The following FRMD3 variants were observed in gnomAD, a reference collection of about 807,000 sequenced individuals.
FRMD3 encodes FERM domain containing 3.
A neutral mutation model predicts 70.2 loss-of-function variants in FRMD3; 33 were observed. The observed-to-expected ratio is 0.47, with a 90% confidence interval of 0.36 to 0.63. The LOEUF (loss-of-function observed/expected upper bound fraction) is 0.63, where lower values mean the gene tolerates loss of function less well. FRMD3 is among the 20% of genes least tolerant of loss of function. The pLI is 0.00. For missense variants in FRMD3, 632 were observed against 711.4 expected (o/e 0.89, Z 1.27); for synonymous variants, 279 against 255.9 (o/e 1.09, Z -0.86).
intron 1 of FRMD3, among the ~76,000 whole-genome samples, chr9:83,431,540 G>A (rs1197658817): frequency 6.6e-6 from 1 of 151,564 alleles, no homozygotes; most frequent in East Asian, 1.9e-4. Context: ...ATTTCACAAG[G>A]TATAATCTTA....
intron 1 of FRMD3, among the ~76,000 whole-genome samples, chr9:83,465,719 G>A (rs953443961): frequency 6.6e-6 from 1 of 152,150 alleles, no homozygotes; most frequent in Non-Finnish European, 1.5e-5. Context: ...CTGCCAGCCA[G>A]CTACGTCCGC....
chr9:83,280,883 A>G (rs1833954543), intron 13 of FRMD3, among the ~76,000 whole-genome samples: 1 of 152,048 alleles, frequency 6.6e-6, no homozygotes, highest in Admixed American at 6.5e-5. Flanking sequence ...AGGACCTCCA[A>G]TTCACCATCT....
intron 3 of FRMD3, among the ~76,000 whole-genome samples, chr9:83,370,231 AG>A (rs1388810188): frequency 6.6e-6 from 1 of 152,216 alleles, no homozygotes; most frequent in Non-Finnish European, 1.5e-5. Context: ...ACAAGTCCCC[AG>A]GGTTGGACTT....
At chr9:83,479,782 G>A (rs1197328810) in intron 1 of FRMD3, among the ~76,000 whole-genome samples, 6 of 22,718 alleles carry the variant, frequency 2.6e-4, no homozygotes, top group African/African-American at 5.9e-4. Flanking sequence ...AGGGAGGGAG[G>A]GAGGGAAGGA....
chr9:83,495,359 T>A (rs1250435894), intron 1 of FRMD3, among the ~76,000 whole-genome samples: 1 of 152,174 alleles, frequency 6.6e-6, no homozygotes, highest in East Asian at 1.9e-4. Flanking sequence ...AAAGTGGAAG[T>A]CGCTGGTGCC....
intron 1 of FRMD3, among the ~76,000 whole-genome samples, chr9:83,464,207 A>T (rs1414507451): frequency 6.6e-6 from 1 of 152,202 alleles, no homozygotes; most frequent in Non-Finnish European, 1.5e-5. Context: ...ATTATTTAAC[A>T]GCTTCTTTAT....
chr9:83,429,691 G>A (rs558889424), intron 1 of FRMD3, among the ~76,000 whole-genome samples: 1 of 152,298 alleles, frequency 6.6e-6, no homozygotes, highest in East Asian at 1.9e-4. Flanking sequence ...GATGCCAGGT[G>A]CTGAGTGGGA....
intron 1 of FRMD3, among the ~76,000 whole-genome samples, chr9:83,426,380 A>G (rs1191230396): frequency 6.6e-6 from 1 of 152,238 alleles, no homozygotes; most frequent in Non-Finnish European, 1.5e-5. Context: ...CCGAGGCACA[A>G]TTCCTGTTCT....
chr9:83,361,013 C>T (rs1824565891), intron 3 of FRMD3, among the ~76,000 whole-genome samples: 1 of 152,194 alleles, frequency 6.6e-6, no homozygotes, highest in South Asian at 2.1e-4. Flanking sequence ...CTGGCCCAAC[C>T]TAATGAGCTG....
At chr9:83,318,743 T>A (rs1280009378) in intron 6 of FRMD3, among the ~76,000 whole-genome samples, 1 of 152,218 alleles carries the variant, frequency 6.6e-6, no homozygotes, top group Non-Finnish European at 1.5e-5. Context: ...CCCAAAAAGT[T>A]GTTTTAATTT....
chr9:83,370,153 G>A (rs563201354), intron 3 of FRMD3, among the ~76,000 whole-genome samples: 3 of 152,282 alleles, frequency 2.0e-5, no homozygotes, highest in East Asian at 3.9e-4. Flanking sequence ...CCTACTGAAA[G>A]GTGATACGAG....
chr9:83,563,364 C>T, the FRMD3 span, among the ~76,000 whole-genome samples: 2 of 152,160 alleles, frequency 1.3e-5, no homozygotes, highest in African/African-American at 2.4e-5. Context: ...TGCTAAGCAG[C>T]CTCTGAGTAA....
the FRMD3 span, among the ~76,000 whole-genome samples, chr9:83,567,606 C>T: frequency 6.6e-6 from 1 of 152,150 alleles, no homozygotes; most frequent in East Asian, 1.9e-4. Flanking sequence ...CTTTTGAATG[C>T]TTTGTTGCTT....
At chr9:83,402,898 C>CTTTCT in intron 1 of FRMD3, among the ~76,000 whole-genome samples, 2 of 87,296 alleles carry the variant, frequency 2.3e-5, no homozygotes, top group Non-Finnish European at 4.2e-5. Context: ...TTCTTTCTTT[C>CTTTCT]TTTTTTTTTT....
chr9:83,436,781 G>GAA (rs200464485), intron 1 of FRMD3, among the ~76,000 whole-genome samples: 9 of 132,278 alleles, frequency 6.8e-5, no homozygotes, highest in Non-Finnish European at 9.7e-5. Context: ...GGACCAAGGG[G>GAA]AAAAAAAAAA....
chr9:83,543,811 A>C, the FRMD3 span, among the ~76,000 whole-genome samples: 1 of 152,208 alleles, frequency 6.6e-6, no homozygotes, highest in South Asian at 2.1e-4. Flanking sequence ...TTCAACAGCG[A>C]CATGGGCACT....
At chr9:83,463,791 C>A (rs1828042373) in intron 1 of FRMD3, among the ~76,000 whole-genome samples, 1 of 152,228 alleles carries the variant, frequency 6.6e-6, no homozygotes, top group Admixed American at 6.5e-5. Context: ...TGCTTACCTG[C>A]TGCCCACCCC....
chr9:83,270,507 G>C (rs1833499794), intron 13 of FRMD3, among the ~76,000 whole-genome samples: 1 of 152,230 alleles, frequency 6.6e-6, no homozygotes, highest in South Asian at 2.1e-4. Context: ...TCTCATGGTT[G>C]TTATGACAAG....
chr9:83,244,790 T>G lies in FRMD3; in HGVS notation c.*3128A>C. On this transcript the variant is annotated 3_prime_UTR_variant, in exon 14 of 14. Coordinates refer to ENST00000304195, the MANE Select transcript of FRMD3 (RefSeq NM_174938.6). ...TTCAATGAAATAAACTCATTGTGAATTCACCCCGAGTTGTGTTTATAAATA... is the reference window on the plus strand; with the variant it reads ...TTCAATGAAATAAACTCATTGTGAAGTCACCCCGAGTTGTGTTTATAAATA... 1.0e-6 allele frequency: 1 copy of G among 985,346 alleles called. No individual in the cohort carries two copies. Among genetic ancestry groups the G allele is most frequent in the Non-Finnish European group, 1.2e-6 (1 of 829,838 alleles). 61.0% of individuals were successfully genotyped at this position (985,346 alleles called of 1,614,324 possible).
Sources: allele counts gnomAD v4.1 joint callset (sites outside exome capture counted in the v4.1 genomes callset), GRCh38; gene constraint gnomAD v4.1.1; transcripts MANE v1.5; gene names NCBI Gene and HGNC (gene_info 2026-07-23, HGNC 2026-07-21).